The following C18orf63 variants were observed in gnomAD, a reference collection of about 807,000 sequenced individuals.
The protein encoded by C18orf63 is uncharacterized protein C18orf63.
C18orf63 carries 50 observed loss-of-function variants against 75.3 expected under a neutral mutation model. The observed-to-expected ratio is 0.66, with a 90% confidence interval of 0.53 to 0.84. The LOEUF (loss-of-function observed/expected upper bound fraction) is 0.84. Among genes scored for constraint, C18orf63 ranks in the 40% least tolerant of loss-of-function variants. C18orf63 has a pLI of 0.00. For missense variants in C18orf63, 732 were observed against 800.2 expected (o/e 0.91, Z 1.03); for synonymous variants, 232 against 267.6 (o/e 0.87, Z 1.30).
chr18:74,347,170 C>T (rs532424436), intron 11 of C18orf63, among the ~76,000 whole-genome samples: 3 of 152,172 alleles, frequency 2.0e-5, no homozygotes, highest in Admixed American at 1.3e-4. Context: ...CAGAGGCTAG[C>T]GGTGGTAATG....
In C18orf63 at chr18:74,353,779, T is replaced by A. The variant is rs1445514697; in HGVS notation, c.1512T>A (p.Asn504Lys). The change falls in exon 12 of 14, where the codon AAT becomes AAA. Residue 504 changes from asparagine to lysine, a missense_variant. By Grantham distance (94) the Asn-to-Lys change is moderately conservative. Coordinates refer to ENST00000579455, the MANE Select transcript of C18orf63 (RefSeq NM_001174123.2). ...AGATGCAGGCTGCTAACAATTTAAATCAGGAGAATTCCAGACCTCTGCAAG... is the reference window on the plus strand; with the variant it reads ...AGATGCAGGCTGCTAACAATTTAAAACAGGAGAATTCCAGACCTCTGCAAG... ...NIQMQAANNL[N>K]QENSRPLQEK... is the part of the protein sequence containing the mutation. 6.5e-7 allele frequency: 1 copy of A among 1,535,824 alleles called. No homozygotes were observed. The highest frequency in any genetic ancestry group is 8.7e-7 in the Non-Finnish European group (1 of 1,146,850).
At chr18:74,354,880 T>C (rs768634811) in intron 13 of C18orf63, among the ~76,000 whole-genome samples, 1 of 152,192 alleles carries the variant, frequency 6.6e-6, no homozygotes, top group Non-Finnish European at 1.5e-5. Context: ...GCTACTACAA[T>C]ATCCACTTTT....
At chr18:74,339,190 C>T (rs1040170731) in intron 8 of C18orf63, among the ~76,000 whole-genome samples, 14 of 151,896 alleles carry the variant, frequency 9.2e-5, no homozygotes, top group Admixed American at 4.6e-4. Flanking sequence ...TGAGTTTGTA[C>T]TATTTTCAGG....
chr18:74,337,292 G>T (rs1984408465), intron 7 of C18orf63, among the ~76,000 whole-genome samples: 1 of 152,050 alleles, frequency 6.6e-6, no homozygotes, highest in Non-Finnish European at 1.5e-5. Flanking sequence ...GGAGTATATG[G>T]TGAACAGCTG....
rs1984722650 is a variant in C18orf63, at chr18:74,354,151, A to G, written c.1884A>G (p.Ile628Met). ...KEVGTSDHRL[I>M]VSKIAHRSKR... Reference sequence around the variant, plus strand: ...TTGGTACAAGTGACCACAGGTTGATAGTAAGCAAAATAGCCCACAGGTCTA... The same window carrying G: ...TTGGTACAAGTGACCACAGGTTGATGGTAAGCAAAATAGCCCACAGGTCTA... The change falls in exon 12 of 14, where the codon ATA becomes ATG. Residue 628 changes from isoleucine (I) to methionine (M), a missense_variant. Ile to Met is a conservative substitution (Grantham distance 10). Around this residue, in one of 3 missense-constraint regions of C18orf63, gnomAD observed 495 missense variants for 508.7 expected, o/e 0.97. Transcript: ENST00000579455. The G allele has an allele frequency of 6.5e-7, 1 of 1,536,374 alleles. No homozygotes were observed. The highest frequency in any genetic ancestry group is 8.7e-7 in the Non-Finnish European group (1 of 1,146,960).
chr18:74,345,276 T>A (rs986274951), intron 11 of C18orf63, among the ~76,000 whole-genome samples: 1 of 152,112 alleles, frequency 6.6e-6, no homozygotes, highest in African/African-American at 2.4e-5. Context: ...AAGCCAGATA[T>A]GAGTTTTTCA....
chr18:74,323,849 A>G (rs574949267), intron 4 of C18orf63, among the ~76,000 whole-genome samples: 1 of 152,150 alleles, frequency 6.6e-6, no homozygotes, highest in South Asian at 2.1e-4. Flanking sequence ...TTCTTTTGAT[A>G]CTCCAGGTTC....
At chr18:74,331,166 T>C (rs4891550) in intron 7 of C18orf63, among the ~76,000 whole-genome samples, 3 of 152,062 alleles carry the variant, frequency 2.0e-5, no homozygotes, top group African/African-American at 7.2e-5. Context: ...GTCTTCATAT[T>C]ATTCCTTTGT....
chr18:74,345,217 T>C (rs1009167803), intron 11 of C18orf63, among the ~76,000 whole-genome samples: 4 of 146,848 alleles, frequency 2.7e-5, no homozygotes, highest in African/African-American at 1.0e-4. Context: ...TTTTCTACTG[T>C]GTTACGTGTT....
intron 8 of C18orf63, among the ~76,000 whole-genome samples, chr18:74,339,965 T>C (rs12958444): frequency 0.51 from 77,699 of 151,992 alleles, 20,487 homozygotes; most frequent in Middle Eastern, 0.58. Flanking sequence ...AAACTACGTA[T>C]CTGTGAAAAA....
intron 7 of C18orf63, 134 bp from the exon 8 acceptor site, chr18:74,338,581 A>G (rs1169721050): frequency 7.3e-6 from 3 of 409,766 alleles, no homozygotes; most frequent in Non-Finnish European, 1.3e-5. Flanking sequence ...GTGGTTATGC[A>G]TGATTCAATG....
intron 7 of C18orf63, among the ~76,000 whole-genome samples, chr18:74,335,130 T>C (rs1984370380): frequency 1.3e-5 from 2 of 152,304 alleles, no homozygotes; most frequent in South Asian, 4.1e-4. Flanking sequence ...CTGTGTCTTA[T>C]TAATCTTTCT....
At chr18:74,349,878 C>A (rs759535539) in intron 11 of C18orf63, among the ~76,000 whole-genome samples, 3 of 152,200 alleles carry the variant, frequency 2.0e-5, no homozygotes, top group Non-Finnish European at 4.4e-5. Flanking sequence ...GACCTTACTT[C>A]TACTTCCAAA....
chr18:74,346,822 T>C (rs1027557152), intron 11 of C18orf63, among the ~76,000 whole-genome samples: 2 of 152,248 alleles, frequency 1.3e-5, no homozygotes, highest in Non-Finnish European at 2.9e-5. Context: ...CTCAATTCTA[T>C]TGAGTGCTTT....
chr18:74,353,598 T>C lies in C18orf63; in HGVS notation c.1331T>C (p.Leu444Ser). Residue 444 changes from leucine (L) to serine (S), a missense_variant, in exon 12 of 14, where the codon TTA (leucine) becomes TCA (serine). Coordinates refer to ENST00000579455, the MANE Select transcript of C18orf63 (RefSeq NM_001174123.2). The stretch of plus-strand genomic sequence containing the variant: ...GTACCAGTTTTCAAAAATAGATTGT[T>C]ACAAATGAACAAAAATACCTCAGTA... ...KFVPVFKNRLLQMNKNTSVLG... is the reference protein window; with the variant it reads ...KFVPVFKNRLSQMNKNTSVLG... 5 of 1,536,308 alleles carry C rather than the reference T, an allele frequency of 3.3e-6. No individual in the cohort carries two copies. The highest frequency in any genetic ancestry group is 4.4e-6 in the Non-Finnish European group (5 of 1,146,916).
At chr18:74,319,805 T>G (rs1984088930) in intron 2 of C18orf63, among the ~76,000 whole-genome samples, 1 of 152,132 alleles carries the variant, frequency 6.6e-6, no homozygotes, top group African/African-American at 2.4e-5. Flanking sequence ...GATTCTTCAC[T>G]GTGTGTAGAT....
intron 4 of C18orf63, 96 bp from the exon 5 acceptor site, chr18:74,327,851 G>A (rs918030581): frequency 2.4e-5 from 17 of 709,456 alleles, no homozygotes; most frequent in Non-Finnish European, 3.9e-5. Context: ...CGAGTTTGTT[G>A]GGTGGTGATC....
chr18:74,347,898 G>A (rs924174198), intron 11 of C18orf63, among the ~76,000 whole-genome samples: 26 of 152,182 alleles, frequency 1.7e-4, no homozygotes, highest in African/African-American at 6.0e-4. Flanking sequence ...TTTGGGTAGG[G>A]AGTAAACTGG....
intron 4 of C18orf63, among the ~76,000 whole-genome samples, chr18:74,327,018 C>T (rs117429593): frequency 2.0e-5 from 3 of 152,106 alleles, no homozygotes; most frequent in Non-Finnish European, 4.4e-5. Flanking sequence ...GAGCCCATGC[C>T]CTTATACAAA....
Sources: allele counts gnomAD v4.1 joint callset (sites outside exome capture counted in the v4.1 genomes callset), GRCh38; gene constraint gnomAD v4.1.1; regional missense constraint gnomAD v4.1.1; transcripts MANE v1.5; gene names NCBI Gene and HGNC (gene_info 2026-07-23, HGNC 2026-07-21).